OR5T2: variants seen among roughly 807,000 people sequenced by gnomAD.
OR5T2 encodes the protein olfactory receptor family 5 subfamily T member 2.
A neutral mutation model predicts 13.7 loss-of-function variants in OR5T2; 12 were observed. The observed-to-expected ratio is 0.88, with a 90% CI of 0.56 to 1.42. The LOEUF (loss-of-function observed/expected upper bound fraction) is 1.42. Among genes scored for constraint, OR5T2 ranks in the 40% most tolerant of loss-of-function variants. The pLI, the probability that OR5T2 is intolerant of heterozygous loss-of-function variation, is 0.00. For missense variants in OR5T2, 475 were observed against 372.0 expected, an observed-to-expected ratio of 1.28 and a Z score of -2.28; for synonymous variants, 146 against 139.5, an observed-to-expected ratio of 1.05 and a Z score of -0.33.
In OR5T2 at chr11:56,232,061, A is replaced by G; in HGVS notation, c.*45T>C. 1 of 1,440,986 alleles carries G rather than the reference A, an allele frequency of 6.9e-7. No individual in the cohort carries two copies. Among genetic ancestry groups the G allele is most frequent in the Non-Finnish European group, 9.3e-7 (1 of 1,078,580 alleles). The allele number at this position is 1,440,986 out of a possible 1,614,324, so 89.3% of individuals were successfully genotyped here. A position where few individuals can be genotyped will look rare whatever the true frequency, so the allele number is the denominator to read the frequency against. ...ATATATCATAACACCACAATGACAC[A>G]TTCTTGGTATTGAGGTGCAGAGTAT... On this transcript the variant is annotated 3_prime_UTR_variant, in exon 2 of 2. Coordinates refer to ENST00000641661, the MANE Select transcript of OR5T2 (RefSeq NM_001004746.4).
chr11:56,233,479 A>G (rs1037456753), intron 1 of OR5T2, among the ~76,000 whole-genome samples: 5 of 152,154 alleles, frequency 3.3e-5, no homozygotes, highest in African/African-American at 1.2e-4. Flanking sequence ...ATTGGAATAC[A>G]ATACCAGAAT....
rs1853308043 is a variant in OR5T2, at chr11:56,232,755, C to A, written c.308G>T (p.Cys103Phe). 1 of 1,614,008 alleles carries A rather than the reference C, an allele frequency of 6.2e-7. No individual in the cohort carries two copies. The highest frequency in any genetic ancestry group is 8.5e-7 in the Non-Finnish European group (1 of 1,180,010). The change falls in exon 2 of 2, where the codon TGT (cysteine) becomes TTT (phenylalanine). Residue 103 changes from cysteine to phenylalanine, a missense_variant. Cys to Phe is a radical substitution (Grantham distance 205). Coordinates refer to ENST00000641661, the MANE Select transcript of OR5T2 (RefSeq NM_001004746.4). ...AAAGCATTCTGTGGTTCCAAAACTACAAGCAAGAAACACCTGTGCTACACA... is the reference window on the plus strand; with the variant it reads ...AAAGCATTCTGTGGTTCCAAAACTAAAAGCAAGAAACACCTGTGCTACACA... The part of the protein sequence containing the change: ...LGCVAQVFLA[C>F]SFGTTECFLL...
chr11:56,231,908 G>A lies in OR5T2; in HGVS notation c.*198C>T. 2.2e-6 allele frequency: 1 copy of A among 462,160 alleles called. No homozygotes were observed. The highest frequency in any genetic ancestry group is 3.7e-6 in the Non-Finnish European group (1 of 266,930). 28.6% of individuals were successfully genotyped at this position (462,160 alleles called of 1,614,324 possible). Reference sequence around the variant, plus strand: ...AGGCAGACATTGGAACCCAGCCTTGGTGCAAGTGAAAGGAGGGCAGGAGAA... The same window carrying A: ...AGGCAGACATTGGAACCCAGCCTTGATGCAAGTGAAAGGAGGGCAGGAGAA... On this transcript the variant is annotated 3_prime_UTR_variant, in exon 2 of 2. Coordinates refer to ENST00000641661, the MANE Select transcript of OR5T2 (RefSeq NM_001004746.4).
chr11:56,233,362 G>T (rs1380033017), intron 1 of OR5T2, 98 bp from the exon 2 acceptor site: 2 of 449,770 alleles, frequency 4.4e-6, no homozygotes, highest in Non-Finnish European at 7.8e-6. Context: ...CCACTGAATT[G>T]TATTAAGCTG....
rs529608177 is a variant in OR5T2, at chr11:56,232,053, A to T, written c.*53T>A. On this transcript the variant is annotated 3_prime_UTR_variant, in exon 2 of 2. Coordinates refer to ENST00000641661, the MANE Select transcript of OR5T2 (RefSeq NM_001004746.4). Reference sequence around the variant, plus strand: ...AAACCAACATATATCATAACACCACAATGACACATTCTTGGTATTGAGGTG... The same window carrying T: ...AAACCAACATATATCATAACACCACTATGACACATTCTTGGTATTGAGGTG... 1 of 1,420,090 alleles carries T rather than the reference A, an allele frequency of 7.0e-7. No homozygotes were observed. Among genetic ancestry groups the T allele is most frequent in the African/African-American group, 1.4e-5 (1 of 69,042 alleles). 88.0% of individuals were successfully genotyped at this position (1,420,090 alleles called of 1,614,324 possible).
Position 56,231,930 on chromosome 11 carries a change from A to G in OR5T2, c.*176T>C. On this transcript the variant is annotated 3_prime_UTR_variant, in exon 2 of 2. Coordinates refer to ENST00000641661, the MANE Select transcript of OR5T2 (RefSeq NM_001004746.4). ...TTGGTGCAAGTGAAAGGAGGGCAGG[A>G]GAAGGTAAAAGGCCTGCCCCTGAGG... 2.0e-6 allele frequency: 1 copy of G among 493,542 alleles called. No individual in the cohort carries two copies. The allele number at this position is 493,542 out of a possible 1,614,324, so 30.6% of individuals were successfully genotyped here. A position where few individuals can be genotyped will look rare whatever the true frequency, so the allele number is the denominator to read the frequency against.
In OR5T2 at chr11:56,232,306, T is replaced by A; in HGVS notation, c.757A>T (p.Ile253Phe). The A allele has an allele frequency of 6.2e-7, 1 of 1,610,206 alleles. No homozygotes were observed. The highest frequency in any genetic ancestry group is 8.5e-7 in the Non-Finnish European group (1 of 1,178,066). ...CTTGGTCTCACATACATGAAGAGGA[T>A]TGTCCCATAATAAATTGACACTCCA... is the stretch of plus-strand genomic sequence containing the variant. Reference protein sequence around the residue: ...LTGVSIYYGTILFMYVRPSSS... With the variant: ...LTGVSIYYGTFLFMYVRPSSS... Residue 253 changes from isoleucine (I) to phenylalanine (F), a missense_variant, in exon 2 of 2, where the codon ATC becomes TTC. Ile to Phe is a conservative substitution (Grantham distance 21). Coordinates refer to ENST00000641661, the MANE Select transcript of OR5T2 (RefSeq NM_001004746.4).
chr11:56,232,106 T>G lies in OR5T2; in HGVS notation c.957A>C (p.Ter319TyrextTer34). The change falls in exon 2 of 2, where the codon TAA (stop) becomes TAC (tyrosine). Residue 319 changes from the stop codon to tyrosine (Y), a stop_lost. Transcript: ENST00000641661. ...INKVYFHTKK[*>Y] ...GAGTATCACCCTCACCTTTTATAAT[T>G]TATTTTTTAGTATGAAAATATACTT... 3 of 1,532,102 alleles carry G rather than the reference T, an allele frequency of 2.0e-6. No individual in the cohort carries two copies. The highest frequency in any genetic ancestry group is 2.6e-6 in the Non-Finnish European group (3 of 1,140,184). The allele number at this position is 1,532,102 out of a possible 1,614,324, so 94.9% of individuals were successfully genotyped here.
In OR5T2 at chr11:56,232,232, G is replaced by T. The variant is rs747621611; in HGVS notation, c.831C>A (p.Thr277=). 8 of 1,613,498 alleles carry T rather than the reference G, an allele frequency of 5.0e-6. No individual in the cohort carries two copies. Among genetic ancestry groups the T allele is most frequent in the Non-Finnish European group, 5.9e-6 (7 of 1,179,664 alleles). ...CGGGATTCAGCAAGGGAATCACAAT[G>T]GTGTAAAATATTGACACTATCATGT... ...DHDMIVSIFY[T]IVIPLLNPVI... The change falls in exon 2 of 2, where the codon ACC becomes ACA. Residue 277 remains threonine (T), a synonymous_variant. Coordinates refer to ENST00000641661, the MANE Select transcript of OR5T2 (RefSeq NM_001004746.4).
In OR5T2 at chr11:56,233,255, A is replaced by C; in HGVS notation, c.-193T>G. 2 of 1,276,764 alleles carry C rather than the reference A, an allele frequency of 1.6e-6. No individual in the cohort carries two copies. The highest frequency in any genetic ancestry group is 2.1e-6 in the Non-Finnish European group (2 of 956,612). The allele number at this position is 1,276,764 out of a possible 1,614,324, so 79.1% of individuals were successfully genotyped here. A position where few individuals can be genotyped will look rare whatever the true frequency, so the allele number is the denominator to read the frequency against. On this transcript the variant is annotated 5_prime_UTR_variant, in exon 2 of 2. The change abolishes an upstream ATG in the 5' untranslated region. Transcript: ENST00000641661. ...TGACAAACTGGTCAGCCATGTGTTC[A>C]TGCCACTCACTGCAGAATCAAATGG... is the stretch of plus-strand genomic sequence containing the variant.
chr11:56,233,180 C>T lies in OR5T2; in HGVS notation c.-118G>A, dbSNP rs187416130. The T allele has an allele frequency of 3.8e-4, 574 of 1,524,056 alleles. 2 individuals are homozygous for T. Among genetic ancestry groups the T allele is most frequent in the African/African-American group, 4.7e-4 (34 of 72,226 alleles). The allele number at this position is 1,524,056 out of a possible 1,614,324, so 94.4% of individuals were successfully genotyped here. A position where few individuals can be genotyped will look rare whatever the true frequency, so the allele number is the denominator to read the frequency against. On this transcript the variant is annotated 5_prime_UTR_variant, in exon 2 of 2. Transcript: ENST00000641661. Reference sequence around the variant, plus strand: ...TAACTGTGCTCTTGTATATACTGTACGACATATATTCAGCAGTGCATAATT... The same window carrying T: ...TAACTGTGCTCTTGTATATACTGTATGACATATATTCAGCAGTGCATAATT...
chr11:56,232,015 G>A lies in OR5T2; in HGVS notation c.*91C>T. 1 of 1,064,284 alleles carries A rather than the reference G, an allele frequency of 9.4e-7. No homozygotes were observed. Among genetic ancestry groups the A allele is most frequent in the Non-Finnish European group, 1.3e-6 (1 of 769,168 alleles). 65.9% of individuals were successfully genotyped at this position (1,064,284 alleles called of 1,614,324 possible). On this transcript the variant is annotated 3_prime_UTR_variant, in exon 2 of 2. Transcript: ENST00000641661. Reference sequence around the variant, plus strand: ...AAAGGCTATGGGAATTATGAGCCAGGAACCCTGGATGGAAACCAACATATA... The same window carrying A: ...AAAGGCTATGGGAATTATGAGCCAGAAACCCTGGATGGAAACCAACATATA...
chr11:56,233,378 A>G (rs1853323119), intron 1 of OR5T2, 114 bp from the exon 2 acceptor site: 2 of 400,642 alleles, frequency 5.0e-6, no homozygotes, highest in Non-Finnish European at 4.4e-6. Context: ...AGCTGTTTAT[A>G]TATTAAATAA....
In OR5T2 at chr11:56,232,981, GGAA is replaced by G. The variant is rs753330962; in HGVS notation, c.79_81del (p.Phe27del). The G allele has an allele frequency of 6.2e-6, 10 of 1,607,498 alleles. No individual in the cohort carries two copies. The highest frequency in any genetic ancestry group is 4.4e-5 in the South Asian group (4 of 89,964). On this transcript the variant is annotated inframe_deletion, in exon 2 of 2. Coordinates refer to ENST00000641661, the MANE Select transcript of OR5T2 (RefSeq NM_001004746.4). ...GTGAAGAGGTAGATTGCTAGAAACA[GGAA>G]GAAGAAGATAGTCTGCAGTTCAAGA...
rs138094157 is a variant in OR5T2 at position 56,232,348 on chromosome 11, A to T, written c.715T>A (p.Cys239Ser). ...AEGRRKVFST[C>S]GAHLTGVSIY... ...GACACTCCAGTTAGGTGAGCTCCAC[A>T]TGTGGAGAAGACTTTTCTCCTCCCT... The change falls in exon 2 of 2, where the codon TGT (cysteine) becomes AGT (serine). Residue 239 changes from cysteine (C) to serine (S), a missense_variant. Cys to Ser is a moderately radical substitution (Grantham distance 112, BLOSUM62 -1). Transcript: ENST00000641661. 1 of 1,607,964 alleles carries T rather than the reference A, an allele frequency of 6.2e-7. No homozygotes were observed. The highest frequency in any genetic ancestry group is 2.2e-5 in the East Asian group (1 of 44,856).
At position 56,232,539 on chromosome 11, in the gene OR5T2, A is replaced by T. The variant is rs1422130951; in HGVS notation, c.524T>A (p.Val175Asp). 2 of 1,613,340 alleles carry T rather than the reference A, an allele frequency of 1.2e-6. No homozygotes were observed. The highest frequency in any genetic ancestry group is 4.5e-5 in the East Asian group (2 of 44,868). ...AAGGAGAGGAGGGATATCACAAAAG[A>T]CACGCCTAATTTCATTGGCTCCACA... ...SFCGANEIRR[V>D]FCDIPPLLAI... Residue 175 changes from valine to aspartate, a missense_variant, in exon 2 of 2, where the codon GTC (valine) becomes GAC (aspartate). Coordinates refer to ENST00000641661, the MANE Select transcript of OR5T2 (RefSeq NM_001004746.4).
rs928821244 is a variant in OR5T2, at chr11:56,232,656, G to T, written c.407C>A (p.Pro136His). ...NPLLYSVSMS[P>H]RVYMPLINAS... ...ATTGATGAGTGGCATGTAGACTCTG[G>T]GTGACATGCTCACTGAATACAGGAG... The change falls in exon 2 of 2, where the codon CCC (proline) becomes CAC (histidine). Residue 136 changes from proline (P) to histidine (H), a missense_variant. By Grantham distance (77) the Pro-to-His change is moderately conservative (BLOSUM62 -2). Coordinates refer to ENST00000641661, the MANE Select transcript of OR5T2 (RefSeq NM_001004746.4). 4.3e-6 allele frequency: 7 copies of T among 1,614,030 alleles called. No homozygotes were observed. The Admixed American group carries it at 6.7e-5, about 15-fold the overall frequency.
chr11:56,232,617 G>A lies in OR5T2; in HGVS notation c.446C>T (p.Ala149Val), dbSNP rs368348614. ...ATGTATAGTAGCATGTAAAATGCCA[G>A]CAACATAGGAAGCATTGATGAGTGG... Reference protein sequence around the residue: ...YMPLINASYVAGILHATIHTV... With the variant: ...YMPLINASYVVGILHATIHTV... Residue 149 changes from alanine to valine, a missense_variant, in exon 2 of 2, where the codon GCT becomes GTT. By Grantham distance (64) the Ala-to-Val change is moderately conservative (BLOSUM62 0). Transcript: ENST00000641661. 3.2e-5 allele frequency: 52 copies of A among 1,613,956 alleles called. No individual in the cohort carries two copies. The African/African-American group carries it at 6.4e-4, about 20-fold the overall frequency.
Position 56,231,389 on chromosome 11 carries a change from C to T in OR5T2, c.*717G>A, listed in dbSNP as rs975187044. 3 of 152,140 alleles carry T rather than the reference C, an allele frequency of 2.0e-5. No individual in the cohort carries two copies. Among genetic ancestry groups the T allele is most frequent in the East Asian group, 1.9e-4 (1 of 5,174 alleles). The allele number at this position is 152,140 out of a possible 1,614,324, so 9.4% of individuals were successfully genotyped here. A position where few individuals can be genotyped will look rare whatever the true frequency, so the allele number is the denominator to read the frequency against. On this transcript the variant is annotated 3_prime_UTR_variant, in exon 2 of 2. Coordinates refer to ENST00000641661, the MANE Select transcript of OR5T2 (RefSeq NM_001004746.4). ...GTAGGGATTTCTTCCTCCCACACCA[C>T]GTGGTAATCACCAACTGGGTATCCT...
Sources: allele counts gnomAD v4.1 joint callset (sites outside exome capture counted in the v4.1 genomes callset), GRCh38; gene constraint gnomAD v4.1.1; transcripts MANE v1.5; gene names NCBI Gene and HGNC (gene_info 2026-07-23, HGNC 2026-07-21).